The following SPAG6 variants were observed in gnomAD, a reference collection of about 807,000 sequenced individuals.
SPAG6 encodes sperm-associated antigen 6.
Under a neutral mutation model 58.5 loss-of-function variants are expected in SPAG6, and 49 were observed. The ratio of observed to expected loss-of-function variants is 0.84; its 90% CI spans 0.67 to 1.06. SPAG6 has a LOEUF of 1.06. Among genes scored for constraint, SPAG6 ranks in the 50% least tolerant of loss-of-function variants. SPAG6 has a pLI of 0.00. For missense variants in SPAG6, 560 were observed against 611.3 expected (o/e 0.92, Z 0.89); for synonymous variants, 233 against 225.6 (o/e 1.03, Z -0.29).
At position 22,385,829 on chromosome 10, in the gene SPAG6, A is replaced by G. The variant is rs548644078; in HGVS notation, c.473-925A>G. On this transcript the variant is annotated intron_variant, in intron 4 of 10. Transcript: ENST00000376624. ...TTTATATATAACTAAGGCACTACAC[A>G]TCTGGGAAAATAAGAACATATTTTG... 2.0e-5 allele frequency among the ~76,000 whole-genome samples: 3 copies of G among 152,320 alleles called. No homozygotes were observed. The East Asian group carries it at 5.8e-4, about 29-fold the overall frequency.
At chr10:22,395,367 T>C (rs1173836628) in intron 8 of SPAG6, among the ~76,000 whole-genome samples, 1 of 152,196 alleles carries the variant, frequency 6.6e-6, no homozygotes, top group African/African-American at 2.4e-5. Context: ...GGTTCCACTT[T>C]TTCCACATCT....
At chr10:22,399,175 C>T (rs1049080901) in intron 8 of SPAG6, among the ~76,000 whole-genome samples, 1 of 152,116 alleles carries the variant, frequency 6.6e-6, no homozygotes, top group Non-Finnish European at 1.5e-5. Flanking sequence ...CATAAATTCA[C>T]TCATTTTAGG....
At chr10:22,355,083 A>G (rs1736861768) in intron 2 of SPAG6, among the ~76,000 whole-genome samples, 1 of 152,190 alleles carries the variant, frequency 6.6e-6, no homozygotes, top group Non-Finnish European at 1.5e-5. Flanking sequence ...AGTTATGATT[A>G]ATGCTAATGG....
chr10:22,363,893 T>C (rs1287721558), intron 2 of SPAG6, among the ~76,000 whole-genome samples: 1 of 152,230 alleles, frequency 6.6e-6, no homozygotes, highest in African/African-American at 2.4e-5. Flanking sequence ...ACGGGTACTT[T>C]GTTATATTTT....
intron 3 of SPAG6, among the ~76,000 whole-genome samples, chr10:22,365,813 A>G (rs919664585): frequency 5.9e-5 from 9 of 152,224 alleles, no homozygotes; most frequent in Non-Finnish European, 1.2e-4. Context: ...ATGTGAAAAG[A>G]TGCTCCACAG....
At chr10:22,348,402 CTTTTTTTCAGT>C (rs1400999340) in intron 2 of SPAG6, among the ~76,000 whole-genome samples, 1 of 152,148 alleles carries the variant, frequency 6.6e-6, no homozygotes, top group African/African-American at 2.4e-5. Flanking sequence ...TATGGTCAAA[CTTTTTTTCAGT>C]CAAATGCCTT....
At chr10:22,413,500 T>G (rs979798567) in intron 10 of SPAG6, among the ~76,000 whole-genome samples, 1 of 151,762 alleles carries the variant, frequency 6.6e-6, no homozygotes, top group Non-Finnish European at 1.5e-5. Flanking sequence ...GCCACTGCAC[T>G]CCGGCCTGGG....
At position 22,346,430 on chromosome 10, in the gene SPAG6, G is replaced by GTTCTTCCTCTTCTTCTTC. The variant is rs1463625993; in HGVS notation, c.121+618_121+619insCTCTTCTTCTTCTTCTTC. 3.2e-3 allele frequency among the ~76,000 whole-genome samples: 303 copies of GTTCTTCCTCTTCTTCTTC among 96,004 alleles called. 3 individuals are homozygous for GTTCTTCCTCTTCTTCTTC. Among genetic ancestry groups the GTTCTTCCTCTTCTTCTTC allele is most frequent in the Non-Finnish European group, 5.3e-3 (246 of 46,382 alleles). The allele number at this position is 96,004 out of a possible 152,430, so 63.0% of individuals were successfully genotyped here. ...TAACATAAACTGATAAGAGAAAATGGTTCTTCTTCTTCTTCTTCTTCTTCT... is the reference window on the plus strand; with the variant it reads ...TAACATAAACTGATAAGAGAAAATGGTTCTTCCTCTTCTTCTTCTTCTTCTTCTTCTTCTTCTTCTTCT... On this transcript the variant is annotated intron_variant, in intron 2 of 10. Transcript: ENST00000376624.
At chr10:22,370,849 T>G (rs1017252295) in intron 4 of SPAG6, among the ~76,000 whole-genome samples, 1 of 152,190 alleles carries the variant, frequency 6.6e-6, no homozygotes, top group Non-Finnish European at 1.5e-5. Flanking sequence ...CATGAGTATA[T>G]TTAGTAAGTT....
chr10:22,411,171 A>C lies in SPAG6; in HGVS notation c.1455A>C (p.Ile485=). ...TTAACAGTTGTTACCCCGAGGAAAT[A>C]GTGAGGTGGGGAAAATGGACTTTGA... is the stretch of plus-strand genomic sequence containing the variant. The part of the protein sequence containing the change: ...NSINSCYPEE[I]VRYYSPGYSD... The change falls in exon 10 of 11, where the codon ATA becomes ATC. Residue 485 remains isoleucine (I), a synonymous_variant. Transcript: ENST00000376624. 6.2e-7 allele frequency: 1 copy of C among 1,605,510 alleles called. No individual in the cohort carries two copies. Among genetic ancestry groups the C allele is most frequent in the South Asian group, 1.1e-5 (1 of 88,594 alleles).
At chr10:22,360,038 A>G (rs1836990989) in intron 2 of SPAG6, among the ~76,000 whole-genome samples, 1 of 152,162 alleles carries the variant, frequency 6.6e-6, no homozygotes, top group South Asian at 2.1e-4. Context: ...CTTCCTGATG[A>G]TTTCTATATG....
chr10:22,414,703 A>G (rs1410183028), intron 10 of SPAG6, among the ~76,000 whole-genome samples: 2 of 152,222 alleles, frequency 1.3e-5, no homozygotes, highest in Admixed American at 6.5e-5. Flanking sequence ...AAACTTTTAG[A>G]TATGTTTGGA....
chr10:22,376,841 T>C (rs552628031), intron 4 of SPAG6, among the ~76,000 whole-genome samples: 2 of 152,146 alleles, frequency 1.3e-5, no homozygotes, highest in South Asian at 4.2e-4. Context: ...TCCCAGCACT[T>C]TGGGAGGCCA....
chr10:22,373,911 T>A (rs1242107143), intron 4 of SPAG6, among the ~76,000 whole-genome samples: 2 of 152,178 alleles, frequency 1.3e-5, no homozygotes, highest in Non-Finnish European at 2.9e-5. Flanking sequence ...TCCCTCTATG[T>A]TTTTTGGGCA....
intron 6 of SPAG6, 37 bp from the exon 7 acceptor site, chr10:22,389,123 G>T (rs1280412439): frequency 1.9e-6 from 3 of 1,591,212 alleles, no homozygotes; most frequent in Non-Finnish European, 2.6e-6. Flanking sequence ...GACCATCATA[G>T]GGTCCTGGTG....
At chr10:22,386,468 T>C (rs1026859136) in intron 4 of SPAG6, among the ~76,000 whole-genome samples, 2 of 150,838 alleles carry the variant, frequency 1.3e-5, no homozygotes, top group Non-Finnish European at 2.9e-5. Context: ...ACAGCTGACA[T>C]CTGCTTACTC....
At chr10:22,374,018 C>G (rs7904484) in intron 4 of SPAG6, among the ~76,000 whole-genome samples, 8,598 of 152,132 alleles carry the variant, frequency 0.057, 822 homozygotes, top group African/African-American at 0.2. Context: ...TTAGGGTTCA[C>G]TTTGTGTGCT....
At chr10:22,374,663 C>G (rs952008217) in intron 4 of SPAG6, among the ~76,000 whole-genome samples, 1 of 146,326 alleles carries the variant, frequency 6.8e-6, no homozygotes, top group African/African-American at 2.5e-5. Context: ...GTGGTCTCAA[C>G]TATTTGGGAG....
At chr10:22,367,034 A>G (rs11012967) in intron 3 of SPAG6, among the ~76,000 whole-genome samples, 8,475 of 149,080 alleles carry the variant, frequency 0.057, 805 homozygotes, top group African/African-American at 0.2. Flanking sequence ...CATTTCTTTT[A>G]ATGAGGAATG....
Sources: allele counts gnomAD v4.1 joint callset (sites outside exome capture counted in the v4.1 genomes callset), GRCh38; gene constraint gnomAD v4.1.1; transcripts MANE v1.5; gene names NCBI Gene and HGNC (gene_info 2026-07-23, HGNC 2026-07-21).